Variants in BLM observed in about 807,000 individuals in gnomAD.
BLM encodes the protein BLM RecQ like helicase.
In BLM, 95 loss-of-function variants were observed where a neutral mutation model predicts 135.3. The observed-to-expected ratio is 0.70, with a 90% CI of 0.59 to 0.83. The LOEUF (loss-of-function observed/expected upper bound fraction) is 0.83, where lower values mean the gene tolerates loss of function less well. Among genes scored for constraint, BLM ranks in the 40% least tolerant of loss-of-function variants. BLM has a pLI of 0.00. For missense variants in BLM, 1,518 were observed against 1,663.9 expected (o/e 0.91, Z 1.53); for synonymous variants, 520 against 589.2 (o/e 0.88, Z 1.70).
chr15:90,718,316 C>T (rs1034316728), intron 1 of BLM, among the ~76,000 whole-genome samples: 4 of 152,134 alleles, frequency 2.6e-5, no homozygotes, highest in Non-Finnish European at 2.9e-5. Flanking sequence ...TTGAACTAAG[C>T]GCCTGATTTT....
rs150287197 is a variant in BLM, at chr15:90,726,304, T to C, written c.-5+8864T>C. Among the ~76,000 whole-genome samples the C allele has an allele frequency of 1.4e-3, 214 of 152,332 alleles. 2 individuals are homozygous for C. The highest frequency in any genetic ancestry group is 4.9e-3 in the African/African-American group (205 of 41,580). On this transcript the variant is annotated intron_variant, in intron 1 of 21. Transcript: ENST00000355112. ...TTTTTTTGAGATGAAGTTTCACTCT[T>C]GTTGCCCAGGCTGGAGTGCAATGGC... is the stretch of plus-strand genomic sequence containing the variant.
At chr15:90,803,853 G>C in intron 18 of BLM, 133 bp downstream of exon 18, 1 of 1,000,924 alleles carries the variant, frequency 1.0e-6, no homozygotes, top group Non-Finnish European at 1.5e-6. Flanking sequence ...AACATATTCT[G>C]TTTTTCTTAA....
At chr15:90,734,375 C>T (rs1027006937) in intron 1 of BLM, among the ~76,000 whole-genome samples, 1 of 151,788 alleles carries the variant, frequency 6.6e-6, no homozygotes, top group African/African-American at 2.4e-5. Flanking sequence ...GCAACCTCCA[C>T]CTCCCAGGTT....
intron 1 of BLM, among the ~76,000 whole-genome samples, chr15:90,742,662 A>G (rs1261478160): frequency 6.6e-6 from 1 of 151,458 alleles, no homozygotes; most frequent in Non-Finnish European, 1.5e-5. Context: ...TTTTTGAGAC[A>G]GGGTCTCTGT....
chr15:90,732,958 T>C (rs981998369), intron 1 of BLM, among the ~76,000 whole-genome samples: 1 of 152,142 alleles, frequency 6.6e-6, no homozygotes, highest in Non-Finnish European at 1.5e-5. Flanking sequence ...CCAGGCGTGG[T>C]GGCATGCACC....
chr15:90,776,681 C>T (rs1896485433), intron 12 of BLM, among the ~76,000 whole-genome samples: 1 of 152,108 alleles, frequency 6.6e-6, no homozygotes, highest in South Asian at 2.1e-4. Flanking sequence ...ACCACCATGC[C>T]TGGCTAATTT....
chr15:90,773,511 CTTTTTTTTT>C (rs55678339), intron 12 of BLM, among the ~76,000 whole-genome samples: 1 of 100,846 alleles, frequency 9.9e-6, no homozygotes, highest in East Asian at 2.7e-4. Flanking sequence ...CTTCAATGGC[CTTTTTTTTT>C]TTTTTTTTTT....
At chr15:90,747,653 C>A in intron 2 of BLM, 163 bp downstream of exon 2, 1 of 626,916 alleles carries the variant, frequency 1.6e-6, no homozygotes, top group South Asian at 1.9e-5. Flanking sequence ...TATGTTTTAG[C>A]AGCACCAGGT....
intron 12 of BLM, among the ~76,000 whole-genome samples, chr15:90,777,225 C>T (rs955709237): frequency 1.3e-5 from 2 of 152,066 alleles, no homozygotes; most frequent in Non-Finnish European, 2.9e-5. Flanking sequence ...TACAGTAGCT[C>T]ACCGCAACCT....
Position 90,809,360 on chromosome 15 carries a change from C to A in BLM, c.3874+101C>A, listed in dbSNP as rs927917191. 78 of 1,567,974 alleles carry A rather than the reference C, an allele frequency of 5.0e-5. No homozygotes were observed. The Admixed American group carries it at 1.3e-3, about 26-fold the overall frequency. On this transcript the variant is annotated intron_variant, in intron 20 of 21. Transcript: ENST00000355112. ...GCAGTTGTGTGAATGCTTCCTACAC[C>A]TCGTCACACTGACATCCAAGTCAGC...
Position 90,784,979 on chromosome 15 carries a change from G to A in BLM, c.2721G>A (p.Thr907=), listed in dbSNP as rs1009065257. The A allele has an allele frequency of 1.2e-5, 19 of 1,614,016 alleles. No homozygotes were observed. The highest frequency in any genetic ancestry group is 6.7e-5 in the African/African-American group (5 of 74,914). ...GAGAATGTGACACCATGGCTGACAC[G>A]TTACAGAGAGATGGGCTCGCTGCTC... ...SRRECDTMAD[T]LQRDGLAALA... Residue 907 remains threonine, a synonymous_variant, in exon 14 of 22, where the codon ACG becomes ACA. Coordinates refer to ENST00000355112, the MANE Select transcript of BLM (RefSeq NM_000057.4).
At chr15:90,730,650 A>T (rs909237056) in intron 1 of BLM, among the ~76,000 whole-genome samples, 4 of 151,478 alleles carry the variant, frequency 2.6e-5, no homozygotes, top group Non-Finnish European at 5.9e-5. Flanking sequence ...GTTTCACCAT[A>T]TTGGCCAGAC....
At position 90,766,927 on chromosome 15, in the gene BLM, G is replaced by C. The variant is rs933356579; in HGVS notation, c.2211G>C (p.Leu737=). Residue 737 remains leucine, a synonymous_variant, in exon 10 of 22, where the codon CTG becomes CTC. Coordinates refer to ENST00000355112, the MANE Select transcript of BLM (RefSeq NM_000057.4). The part of the protein sequence containing the change: ...LTSLDIPATY[L]TGDKTDSEAT... Reference sequence around the variant, plus strand: ...ATACTTAGATTCCAGCTACATATCTGACAGGTGATAAGACTGACTCAGAAG... The same window carrying C: ...ATACTTAGATTCCAGCTACATATCTCACAGGTGATAAGACTGACTCAGAAG... 5.6e-6 allele frequency: 9 copies of C among 1,597,328 alleles called. No homozygotes were observed. The highest frequency in any genetic ancestry group is 1.1e-5 in the South Asian group (1 of 90,108).
chr15:90,809,445 C>T (rs1255844270), intron 20 of BLM, among the ~76,000 whole-genome samples, 186 bp downstream of exon 20: 1 of 152,142 alleles, frequency 6.6e-6, no homozygotes, highest in Non-Finnish European at 1.5e-5. Context: ...CCTGTGAGTG[C>T]CAGTTCTGAA....
chr15:90,760,696 T>C lies in BLM; in HGVS notation c.1323T>C (p.Gly441=), dbSNP rs1203634487. ...ATTCACTTGATGGCCCTATGGAGGG[T>C]GATTCCTGCCCTACAGGGAATTCTA... ...RPDSLDGPME[G]DSCPTGNSMK... Residue 441 remains glycine (G), a synonymous_variant, in exon 7 of 22, where the codon GGT becomes GGC. Transcript: ENST00000355112. The C allele has an allele frequency of 2.5e-6, 4 of 1,614,072 alleles. No individual in the cohort carries two copies. Among genetic ancestry groups the C allele is most frequent in the Non-Finnish European group, 3.4e-6 (4 of 1,179,942 alleles).
At chr15:90,814,440 G>A (rs568816782) in intron 21 of BLM, among the ~76,000 whole-genome samples, 8 of 152,284 alleles carry the variant, frequency 5.3e-5, no homozygotes, top group African/African-American at 1.7e-4. Flanking sequence ...CGGCTCTGGC[G>A]GCTTCTTCCT....
chr15:90,775,504 A>G (rs1328063891), intron 12 of BLM, among the ~76,000 whole-genome samples: 1 of 146,684 alleles, frequency 6.8e-6, no homozygotes, highest in African/African-American at 2.6e-5. Context: ...TATTTTTTAT[A>G]TATATATGTG....
In BLM at chr15:90,777,481, G is replaced by C. The variant is rs116328537; in HGVS notation, c.2556-5341G>C. Among the ~76,000 whole-genome samples the C allele has an allele frequency of 9.0e-3, 1,365 of 152,194 alleles. 24 individuals are homozygous for C. Among genetic ancestry groups the C allele is most frequent in the African/African-American group, 0.031 (1,281 of 41,514 alleles). Reference sequence around the variant, plus strand: ...TTTTTCAATTCACATAAACTATTTAGTACACATCCCATGACAACTATTGTC... The same window carrying C: ...TTTTTCAATTCACATAAACTATTTACTACACATCCCATGACAACTATTGTC... On this transcript the variant is annotated intron_variant, in intron 12 of 21. Coordinates refer to ENST00000355112, the MANE Select transcript of BLM (RefSeq NM_000057.4).
rs139929202 is a variant in BLM at position 90,786,651 on chromosome 15, C to T, written c.2823+1570C>T. ...GTGAATAATTCAAGCAAGGAATTCA[C>T]GTCACCCAGGCTGGAGTGCAGTGGC... On this transcript the variant is annotated intron_variant, in intron 14 of 21. Transcript: ENST00000355112. Among the ~76,000 whole-genome samples, 322 of 152,130 alleles carry T rather than the reference C, an allele frequency of 2.1e-3. 1 individual carries two copies. The highest frequency in any genetic ancestry group is 7.4e-3 in the African/African-American group (309 of 41,522).
Sources: allele counts gnomAD v4.1 joint callset (sites outside exome capture counted in the v4.1 genomes callset), GRCh38; gene constraint gnomAD v4.1.1; transcripts MANE v1.5; gene names NCBI Gene and HGNC (gene_info 2026-07-23, HGNC 2026-07-21).